Variants in C2 observed in about 807,000 individuals in gnomAD.
The protein encoded by C2 is C3/C5 convertase.
Under a neutral mutation model 85.2 loss-of-function variants are expected in C2, and 64 were observed. The ratio of observed to expected loss-of-function variants is 0.75; its 90% CI spans 0.61 to 0.92. The LOEUF (loss-of-function observed/expected upper bound fraction) is 0.92. C2 is among the 40% of genes least tolerant of loss of function. C2 has a pLI of 0.00. For missense variants in C2, 820 were observed against 971.6 expected, an observed-to-expected ratio of 0.84 and a Z score of 2.07; for synonymous variants, 311 against 370.8, an observed-to-expected ratio of 0.84 and a Z score of 1.85.
At chr6:31,914,660 C>T (rs1014081578) in intron 1 of C2, among the ~76,000 whole-genome samples, 1 of 151,500 alleles carries the variant, frequency 6.6e-6, no homozygotes, top group East Asian at 1.9e-4. Context: ...CGCCTGTAAT[C>T]CCAGCACTGT....
chr6:31,934,354 C>G (rs1385476846), intron 6 of C2, 55 bp downstream of exon 6: 4 of 1,611,564 alleles, frequency 2.5e-6, no homozygotes, highest in African/African-American at 1.3e-5. Flanking sequence ...CACTATCTCT[C>G]TCTGTCTCCT....
At chr6:31,901,341 A>G in intron 1 of C2, 2 of 1,580,268 alleles carry the variant, frequency 1.3e-6, no homozygotes, top group Non-Finnish European at 1.7e-6. Flanking sequence ...TGGGAAGGAA[A>G]CCGGTCAGAG....
rs924178348 is a variant in C2 at position 31,928,665 on chromosome 6, G to T, written c.257-67G>T. The T allele has an allele frequency of 4.6e-6, 7 of 1,516,228 alleles. No homozygotes were observed. The African/African-American group carries it at 9.6e-5, about 21-fold the overall frequency. The allele number at this position is 1,516,228 out of a possible 1,614,324, so 93.9% of individuals were successfully genotyped here. On this transcript the variant is annotated intron_variant, in intron 2 of 17. Transcript: ENST00000299367. ...CATGCATTCCAGCATAAAATCACCT[G>T]CTTAATCCCCAGCCCAGGTGTTATC...
Position 31,901,195 on chromosome 6 carries a change from A to G in C2, c.73+56A>G, listed in dbSNP as rs866962134. ...CTCGAAACTTGAGGCTGTCGGCCAC[A>G]ATGGTCACGTCGCAGAACCGCTCCT... On this transcript the variant is annotated intron_variant, in intron 1 of 3. Coordinates refer to the C2 transcript ENST00000452202. 3.1e-6 allele frequency: 5 copies of G among 1,613,494 alleles called. No individual in the cohort carries two copies. In the Middle Eastern group the frequency reaches 8.3e-4, roughly 267 times the overall value.
In C2 at chr6:31,904,826, A is replaced by C. The variant is rs914839452; in HGVS notation, c.73+3687A>C. Among the ~76,000 whole-genome samples, 4 of 151,922 alleles carry C rather than the reference A, an allele frequency of 2.6e-5. No individual in the cohort carries two copies. Among genetic ancestry groups the C allele is most frequent in the African/African-American group, 9.7e-5 (4 of 41,280 alleles). On this transcript the variant is annotated intron_variant, in intron 1 of 3. Coordinates refer to the C2 transcript ENST00000452202. The surrounding 1 kb of genome is among the most constrained non-coding windows in gnomAD (Gnocchi z 4.4). ...TGGGACAGGGGGCCTAACTCAGCCCATGGCTCAAGACAGGTAGTCCTTGGT... is the reference window on the plus strand; with the variant it reads ...TGGGACAGGGGGCCTAACTCAGCCCCTGGCTCAAGACAGGTAGTCCTTGGT...
At chr6:31,926,581 C>G (rs1040885622), upstream of C2, among the ~76,000 whole-genome samples, 4 of 152,016 alleles carry the variant, frequency 2.6e-5, no homozygotes, top group African/African-American at 9.7e-5. Context: ...ATCCACCCGC[C>G]TCAGCCTCCC....
intron 1 of C2, among the ~76,000 whole-genome samples, chr6:31,914,243 G>A (rs1768327991): frequency 6.6e-6 from 1 of 151,696 alleles, no homozygotes; most frequent in Non-Finnish European, 1.5e-5. Flanking sequence ...GGCCTAAAGA[G>A]CAAAGACTTA....
upstream of C2, among the ~76,000 whole-genome samples, chr6:31,919,206 G>T (rs1308808154): frequency 6.7e-6 from 1 of 149,090 alleles, no homozygotes; most frequent in Non-Finnish European, 1.5e-5. Context: ...GTGCAGTGGT[G>T]CAATCTCAGC....
chr6:31,919,158 T>C (rs534072795), upstream of C2, among the ~76,000 whole-genome samples: 32 of 151,174 alleles, frequency 2.1e-4, no homozygotes, highest in Admixed American at 4.0e-4. Context: ...TTTTTTTTTT[T>C]CTGGAGACGG....
At chr6:31,940,912 C>T (rs1770825845) in intron 9 of C2, among the ~76,000 whole-genome samples, 1 of 152,158 alleles carries the variant, frequency 6.6e-6, no homozygotes, top group Non-Finnish European at 1.5e-5. Context: ...ACACACAACG[C>T]GGGGCTCTCT....
upstream of C2, among the ~76,000 whole-genome samples, chr6:31,916,269 A>G (rs1285788226): frequency 6.6e-6 from 1 of 152,150 alleles, no homozygotes; most frequent in Non-Finnish European, 1.5e-5. Flanking sequence ...GTTTAAGAGA[A>G]TGATGTTGGC....
chr6:31,935,866 A>G lies in C2; in HGVS notation c.850-57A>G. 2 of 1,600,880 alleles carry G rather than the reference A, an allele frequency of 1.2e-6. No individual in the cohort carries two copies. Among genetic ancestry groups the G allele is most frequent in the South Asian group, 2.2e-5 (2 of 90,820 alleles). On this transcript the variant is annotated intron_variant, in intron 6 of 17. Coordinates refer to ENST00000299367, the MANE Select transcript of C2 (RefSeq NM_000063.6). This position sits in a 1 kb window ranked among gnomAD's most constrained non-coding sequence, Gnocchi z 4.3. ...TCCAGGGCCCTTTGTTTGCTCTCTT[A>G]CCATCTCCCCTTTGGCTTCAGGGCC...
At position 31,927,867 on chromosome 6, in the gene C2, A is replaced by T; in HGVS notation, c.46+69A>T. ...GTTGGTGCTCCCAGCTTGAATTCCCATGTGTGAAACAGTCTCTTTTGCTTT... is the reference window on the plus strand; with the variant it reads ...GTTGGTGCTCCCAGCTTGAATTCCCTTGTGTGAAACAGTCTCTTTTGCTTT... On this transcript the variant is annotated intron_variant, in intron 1 of 17. Coordinates refer to ENST00000299367, the MANE Select transcript of C2 (RefSeq NM_000063.6). The surrounding 1 kb of genome is among the most constrained non-coding windows in gnomAD (Gnocchi z 4.7). 1 of 1,587,758 alleles carries T rather than the reference A, an allele frequency of 6.3e-7. No individual in the cohort carries two copies. The highest frequency in any genetic ancestry group is 1.3e-5 in the African/African-American group (1 of 74,404).
chr6:31,902,091 GAGGGA>G (rs1426721410), intron 1 of C2: 1 of 152,654 alleles, frequency 6.6e-6, no homozygotes, highest in Non-Finnish European at 1.5e-5. Context: ...AGGAAGAGGG[GAGGGA>G]ATTAAAGGAG....
chr6:31,925,407 C>T (rs1172923871), upstream of C2, among the ~76,000 whole-genome samples: 1 of 152,038 alleles, frequency 6.6e-6, no homozygotes, highest in African/African-American at 2.4e-5. Flanking sequence ...ATTCTCCTAC[C>T]TCAACCTCCT....
chr6:31,908,083 T>C (rs1767842467), intron 1 of C2, among the ~76,000 whole-genome samples: 1 of 150,850 alleles, frequency 6.6e-6, no homozygotes, highest in South Asian at 2.1e-4. Context: ...CCTGACCTCA[T>C]GATCCGCCCA....
In C2 at chr6:31,937,397, T is replaced by G; in HGVS notation, c.1067T>G (p.Leu356Arg). The G allele has an allele frequency of 5.0e-6, 8 of 1,612,734 alleles. No individual in the cohort carries two copies. Among genetic ancestry groups the G allele is most frequent in the Non-Finnish European group, 6.8e-6 (8 of 1,179,970 alleles). ...CTCATGATGAACAACCAAATGCGAC[T>G]CCTCGGCATGGAAACGATGGCCTGG... ...VYLMMNNQMR[L>R]LGMETMAWQE... The change falls in exon 8 of 18, where the codon CTC (leucine) becomes CGC (arginine). Residue 356 changes from leucine to arginine, a missense_variant. Physicochemically the swap from Leu to Arg is moderately radical, Grantham distance 102 (BLOSUM62 -2). Coordinates refer to ENST00000299367, the MANE Select transcript of C2 (RefSeq NM_000063.6).
At chr6:31,915,369 C>T (rs1221821833), upstream of C2, among the ~76,000 whole-genome samples, 1 of 152,176 alleles carries the variant, frequency 6.6e-6, no homozygotes, top group Non-Finnish European at 1.5e-5. Flanking sequence ...TGGATGCTTG[C>T]ATCTCTTCCT....
Position 31,943,728 on chromosome 6 carries a change from A to C in C2, c.1652A>C (p.Asn551Thr). The change falls in exon 13 of 18, where the codon AAC (asparagine) becomes ACC (threonine). Residue 551 changes from asparagine (N) to threonine (T), a missense_variant. Coordinates refer to ENST00000299367, the MANE Select transcript of C2 (RefSeq NM_000063.6). This position sits in a 1 kb window ranked among gnomAD's most constrained non-coding sequence, Gnocchi z 6.4. The part of the protein sequence containing the change: ...SPGFDVFAKK[N>T]QGILEFYGDD... Reference sequence around the variant, plus strand: ...GGGTTTGATGTCTTTGCCAAAAAGAACCAGGGAATCCTGGAGTTCTATGGT... The same window carrying C: ...GGGTTTGATGTCTTTGCCAAAAAGACCCAGGGAATCCTGGAGTTCTATGGT... The C allele has an allele frequency of 6.2e-7, 1 of 1,613,054 alleles. No individual in the cohort carries two copies. Among genetic ancestry groups the C allele is most frequent in the Non-Finnish European group, 8.5e-7 (1 of 1,179,992 alleles).
Sources: gnomAD v4.1 joint callset for allele counts (sites outside exome capture counted in the v4.1 genomes callset) on GRCh38, gnomAD v4.1.1 for gene constraint, Gnocchi (gnomAD v3.1) non-coding constraint, MANE v1.5 for transcripts, NCBI Gene and HGNC (gene_info 2026-07-23, HGNC 2026-07-21) for gene names.